COL21A1: variants seen among roughly 807,000 people sequenced by gnomAD.
COL21A1 encodes collagen alpha-1(XXI) chain.
A neutral mutation model predicts 137.9 loss-of-function variants in COL21A1; 149 were observed. The observed-to-expected ratio is 1.08, with a 90% CI of 0.95 to 1.24. The LOEUF is 1.24. Among genes scored for constraint, COL21A1 ranks in the 50% most tolerant of loss-of-function variants. The pLI is 0.00. For synonymous variants in COL21A1, 456 were observed against 391.5 expected (o/e 1.16, Z -1.95); for missense variants, 1,167 against 1,158.4 (o/e 1.01, Z -0.11).
At chr6:56,126,254 A>G in intron 12 of COL21A1, 105 bp from the exon 13 acceptor site, 2 of 682,854 alleles carry the variant, frequency 2.9e-6, no homozygotes, top group East Asian at 3.0e-5. Context: ...CTTCAAATCT[A>G]TCTGCAAACA....
At chr6:56,176,550 A>C (rs1212990665) in intron 3 of COL21A1, among the ~76,000 whole-genome samples, 1 of 150,744 alleles carries the variant, frequency 6.6e-6, no homozygotes, top group Non-Finnish European at 1.5e-5. Context: ...ATGCAAATCA[A>C]TACTACAATG....
At chr6:56,100,134 C>T (rs1161037512) in intron 17 of COL21A1, among the ~76,000 whole-genome samples, 1 of 152,220 alleles carries the variant, frequency 6.6e-6, no homozygotes, top group African/African-American at 2.4e-5. Flanking sequence ...AGACCCTTCT[C>T]TGCAGATTCA....
chr6:56,159,940 C>T (rs1467740347), intron 9 of COL21A1, among the ~76,000 whole-genome samples: 2 of 152,052 alleles, frequency 1.3e-5, no homozygotes, highest in Admixed American at 6.6e-5. Flanking sequence ...GAAAAAATTA[C>T]CCACAAGATA....
At chr6:56,200,803 CT>C (rs1368173941) in intron 1 of COL21A1, among the ~76,000 whole-genome samples, 1 of 152,040 alleles carries the variant, frequency 6.6e-6, no homozygotes, top group African/African-American at 2.4e-5. Flanking sequence ...ATTTATAATC[CT>C]TTGGGTATAT....
At chr6:56,385,929 C>T (rs1388135114) in intron 1 of COL21A1, among the ~76,000 whole-genome samples, 6 of 143,822 alleles carry the variant, frequency 4.2e-5, no homozygotes, top group African/African-American at 7.8e-5. Flanking sequence ...AATGGAATTT[C>T]GCTCTTGTCA....
At chr6:56,159,715 A>G (rs1776053993) in intron 9 of COL21A1, among the ~76,000 whole-genome samples, 1 of 151,414 alleles carries the variant, frequency 6.6e-6, no homozygotes, top group African/African-American at 2.4e-5. Flanking sequence ...TATGCTTCAA[A>G]TACAATCTGT....
At chr6:56,335,942 G>T (rs1025005887) in intron 1 of COL21A1, among the ~76,000 whole-genome samples, 1 of 152,148 alleles carries the variant, frequency 6.6e-6, no homozygotes, top group South Asian at 2.1e-4. Flanking sequence ...CTCTGCTATT[G>T]ACTCATTGCA....
chr6:56,291,307 A>G (rs555881366), intron 1 of COL21A1, among the ~76,000 whole-genome samples: 8 of 152,342 alleles, frequency 5.3e-5, no homozygotes, highest in African/African-American at 1.9e-4. Flanking sequence ...TTTCTTGGCC[A>G]GTGCTGGGGT....
chr6:56,240,085 G>A (rs1454189780), intron 1 of COL21A1, among the ~76,000 whole-genome samples: 1 of 152,028 alleles, frequency 6.6e-6, no homozygotes, highest in African/African-American at 2.4e-5. Flanking sequence ...TCTGCCACCA[G>A]GCAAGATGTG....
Position 56,292,391 on chromosome 6 carries a change from A to ACCCC in COL21A1, c.-39+101576_-39+101579dup, listed in dbSNP as rs35462264. Among the ~76,000 whole-genome samples, 134 of 125,286 alleles carry ACCCC rather than the reference A, an allele frequency of 1.1e-3. 1 individual carries two copies. Among genetic ancestry groups the ACCCC allele is most frequent in the African/African-American group, 2.2e-3 (76 of 34,902 alleles). The allele number at this position is 125,286 out of a possible 152,430, so 82.2% of individuals were successfully genotyped here. On this transcript the variant is annotated intron_variant, in intron 1 of 28. Transcript: ENST00000370819. ...TGTAATTAATATCAACAAAACAGGG[A>ACCCC]CCCCCCCCCTCCCCCGCCAAAGAGA...
chr6:56,288,651 T>C (rs1019496793), intron 1 of COL21A1, among the ~76,000 whole-genome samples: 10 of 152,188 alleles, frequency 6.6e-5, no homozygotes, highest in Non-Finnish European at 1.3e-4. Context: ...ACTCAGTATC[T>C]GTTTGGGGGT....
chr6:56,124,779 C>T (rs1772877702), intron 14 of COL21A1, among the ~76,000 whole-genome samples: 1 of 151,852 alleles, frequency 6.6e-6, no homozygotes, highest in African/African-American at 2.4e-5. Flanking sequence ...GTAGCTGGGA[C>T]TACAGGCGCC....
chr6:56,322,180 G>T (rs1333428857), intron 1 of COL21A1, among the ~76,000 whole-genome samples: 1 of 152,086 alleles, frequency 6.6e-6, no homozygotes, highest in Non-Finnish European at 1.5e-5. Flanking sequence ...CATCTGAGAG[G>T]TATGCTCAGC....
At chr6:56,139,755 G>C (rs748480827) in intron 12 of COL21A1, among the ~76,000 whole-genome samples, 1 of 151,940 alleles carries the variant, frequency 6.6e-6, no homozygotes, top group African/African-American at 2.4e-5. Context: ...TTAGTTTTTC[G>C]ATGTTGGAGG....
At chr6:56,072,779 C>T (rs1766868028) in intron 20 of COL21A1, among the ~76,000 whole-genome samples, 2 of 151,422 alleles carry the variant, frequency 1.3e-5, no homozygotes, top group African/African-American at 4.8e-5. Context: ...AAAAAGTTTC[C>T]AACACCTAAT....
chr6:56,061,060 C>A (rs772524070), intron 25 of COL21A1, 23 bp from the exon 26 acceptor site: 3 of 1,563,658 alleles, frequency 1.9e-6, no homozygotes, highest in South Asian at 1.2e-5. Flanking sequence ...GAAATCTTTA[C>A]AAGTTCTATT....
chr6:56,136,900 G>A (rs1179203633), intron 12 of COL21A1, among the ~76,000 whole-genome samples: 4 of 152,052 alleles, frequency 2.6e-5, no homozygotes, highest in Non-Finnish European at 5.9e-5. Flanking sequence ...CAGCACGACC[G>A]TGGGTACTCA....
At chr6:56,125,745 A>AATT (rs936263649) in intron 13 of COL21A1, 125 bp from the exon 14 acceptor site, 10 of 643,194 alleles carry the variant, frequency 1.6e-5, no homozygotes, top group Non-Finnish European at 2.2e-5. Context: ...GAAATAAAAT[A>AATT]ATTTAAAGTT....
chr6:56,101,110 C>A (rs1020035914), intron 17 of COL21A1, among the ~76,000 whole-genome samples: 1 of 152,094 alleles, frequency 6.6e-6, no homozygotes, highest in Non-Finnish European at 1.5e-5. Flanking sequence ...TTCTCTACCC[C>A]TGATTTTTAT....
Sources: gnomAD v4.1 joint callset for allele counts (sites outside exome capture counted in the v4.1 genomes callset) on GRCh38, gnomAD v4.1.1 for gene constraint, MANE v1.5 for transcripts, NCBI Gene and HGNC (gene_info 2026-07-23, HGNC 2026-07-21) for gene names.